The following TMEM272 variants were observed in gnomAD, a reference collection of about 807,000 sequenced individuals.
TMEM272 encodes the protein transmembrane protein 272.
In TMEM272, 8 loss-of-function variants were observed where a neutral mutation model predicts 3.7. That is an observed-to-expected ratio of 2.17 (90% confidence interval 1.27 to 3.91). The LOEUF is 3.91. Among genes scored for constraint, TMEM272 ranks in the 30% most tolerant of loss-of-function variants. The probability of loss-of-function intolerance (pLI) is 0.00; values close to 1 mark genes in which losing one functional copy is unlikely to be tolerated. For missense variants in TMEM272, 166 were observed against 91.5 expected, an observed-to-expected ratio of 1.81 and a Z score of -3.32; for synonymous variants, 63 against 39.8, an observed-to-expected ratio of 1.58 and a Z score of -2.20.
chr13:51,859,703 A>C, the TMEM272 span, among the ~76,000 whole-genome samples: 1 of 152,310 alleles, frequency 6.6e-6, no homozygotes, highest in African/African-American at 2.4e-5. Context: ...CTAAATGAAC[A>C]AATAGCAACA....
intron 1 of TMEM272, among the ~76,000 whole-genome samples, chr13:51,844,573 T>G (rs911296781): frequency 6.6e-6 from 1 of 151,968 alleles, no homozygotes; most frequent in African/African-American, 2.4e-5. Context: ...TTCCACAACC[T>G]CCCTAGGATG....
At chr13:51,817,494 A>G (rs2139544214) in intron 4 of TMEM272, among the ~76,000 whole-genome samples, 1 of 152,266 alleles carries the variant, frequency 6.6e-6, no homozygotes, top group Non-Finnish European at 1.5e-5. Context: ...TGTAAAAATG[A>G]CACCTGGTCC....
chr13:51,879,601 G>A, the TMEM272 span, among the ~76,000 whole-genome samples: 4 of 152,132 alleles, frequency 2.6e-5, no homozygotes, highest in Admixed American at 6.5e-5. Flanking sequence ...ATGAGTGGTC[G>A]CTATATAAAG....
At position 51,814,503 on chromosome 13, in the gene TMEM272, G is replaced by A. The variant is rs567934326; in HGVS notation, c.*2248C>T. ...ATGGGGTCTCATTCTGTCACCCAGA[G>A]TAGAGTGCAGTGGTGCAATCATAGC... On this transcript the variant is annotated 3_prime_UTR_variant, in exon 5 of 5. Transcript: ENST00000629372. 3.9e-5 allele frequency: 6 copies of A among 152,374 alleles called. No individual in the cohort carries two copies. The highest frequency in any genetic ancestry group is 1.4e-4 in the African/African-American group (6 of 41,590). 9.4% of individuals were successfully genotyped at this position (152,374 alleles called of 1,614,324 possible).
chr13:51,863,053 T>C, the TMEM272 span, among the ~76,000 whole-genome samples: 1 of 152,094 alleles, frequency 6.6e-6, no homozygotes, highest in Admixed American at 6.5e-5. Context: ...CCGAGTAGCT[T>C]TCAGAGGGGA....
chr13:51,822,176 T>A (rs1243161228), intron 3 of TMEM272, 39 bp from the exon 4 acceptor site: 4 of 663,316 alleles, frequency 6.0e-6, no homozygotes, highest in Non-Finnish European at 1.1e-5. Flanking sequence ...GAGAAATACA[T>A]TCGAGAGCAC....
chr13:51,841,226 C>T (rs1332101687), intron 1 of TMEM272, among the ~76,000 whole-genome samples: 2 of 152,354 alleles, frequency 1.3e-5, no homozygotes, highest in African/African-American at 2.4e-5. Context: ...AGAGGGTGCA[C>T]TTCACATAAC....
At chr13:51,835,639 T>C (rs1345220445) in intron 2 of TMEM272, among the ~76,000 whole-genome samples, 1 of 152,224 alleles carries the variant, frequency 6.6e-6, no homozygotes, top group Non-Finnish European at 1.5e-5. Flanking sequence ...CTACAGTATA[T>C]GCATTTGCAT....
chr13:51,845,581 G>C (rs1241212837), upstream of TMEM272, among the ~76,000 whole-genome samples: 3 of 152,192 alleles, frequency 2.0e-5, no homozygotes, highest in Admixed American at 2.0e-4. Flanking sequence ...TTGATTCCGA[G>C]TCATTGCAGA....
intron 2 of TMEM272, among the ~76,000 whole-genome samples, chr13:51,829,925 C>G (rs1956158854): frequency 6.6e-6 from 1 of 152,140 alleles, no homozygotes; most frequent in Admixed American, 6.5e-5. Context: ...AACAAAAGCC[C>G]CACATAGAGG....
chr13:51,822,883 G>A (rs555095273), intron 3 of TMEM272, among the ~76,000 whole-genome samples: 5 of 152,314 alleles, frequency 3.3e-5, no homozygotes, highest in Admixed American at 6.5e-5. Flanking sequence ...GATATGATGT[G>A]TCTATTTAAC....
At chr13:51,855,805 T>C in the TMEM272 span, among the ~76,000 whole-genome samples, 1 of 152,164 alleles carries the variant, frequency 6.6e-6, no homozygotes, top group Non-Finnish European at 1.5e-5. Context: ...TTAACATATA[T>C]GTTATTGGAA....
At chr13:51,915,082 T>C in the TMEM272 span, among the ~76,000 whole-genome samples, 2 of 152,222 alleles carry the variant, frequency 1.3e-5, no homozygotes, top group South Asian at 4.1e-4. Context: ...AGCTGGAAAG[T>C]ACCGCAAAAA....
At chr13:51,929,799 A>G in the TMEM272 span, among the ~76,000 whole-genome samples, 1 of 152,266 alleles carries the variant, frequency 6.6e-6, no homozygotes. Flanking sequence ...TTATGCAAAT[A>G]GCTCTTAGTG....
intron 2 of TMEM272, among the ~76,000 whole-genome samples, chr13:51,836,179 G>C (rs989725878): frequency 6.6e-6 from 1 of 152,292 alleles, no homozygotes; most frequent in African/African-American, 2.4e-5. Flanking sequence ...ACTGGAGTGG[G>C]TTCATTATAA....
chr13:51,823,344 G>A (rs1262523804), intron 3 of TMEM272, among the ~76,000 whole-genome samples: 2 of 152,224 alleles, frequency 1.3e-5, no homozygotes, highest in Admixed American at 6.5e-5. Context: ...CTCCCAAAGC[G>A]TGGGATTACA....
At chr13:51,929,727 C>G in the TMEM272 span, among the ~76,000 whole-genome samples, 1 of 152,238 alleles carries the variant, frequency 6.6e-6, no homozygotes, top group South Asian at 2.1e-4. Context: ...AACGCCCCTT[C>G]TGTGTCCCGG....
At chr13:51,872,729 A>C in the TMEM272 span, among the ~76,000 whole-genome samples, 2 of 152,266 alleles carry the variant, frequency 1.3e-5, no homozygotes, top group Admixed American at 6.5e-5. Flanking sequence ...TAAGACAAGC[A>C]ATAAAAATAG....
the TMEM272 span, among the ~76,000 whole-genome samples, chr13:51,898,389 T>C: frequency 6.6e-6 from 1 of 151,934 alleles, no homozygotes; most frequent in Non-Finnish European, 1.5e-5. Flanking sequence ...TACATGCTTT[T>C]CAGTTTTCAA....
Sources: gnomAD v4.1 joint callset for allele counts (sites outside exome capture counted in the v4.1 genomes callset) on GRCh38, gnomAD v4.1.1 for gene constraint, MANE v1.5 for transcripts, NCBI Gene and HGNC (gene_info 2026-07-23, HGNC 2026-07-21) for gene names.